TDRD10: variants seen among roughly 807,000 people sequenced by gnomAD.
The protein encoded by TDRD10 is tudor domain-containing protein 10.
TDRD10 carries 40 observed loss-of-function variants against 48.0 expected under a neutral mutation model. That is an observed-to-expected ratio of 0.83 (90% confidence interval 0.65 to 1.09). The LOEUF (loss-of-function observed/expected upper bound fraction) is 1.09, where lower values mean the gene tolerates loss of function less well. Ranked by LOEUF, TDRD10 falls within the 50% of genes least tolerant of loss-of-function variation. TDRD10 has a pLI of 0.00. For synonymous variants in TDRD10, 162 were observed against 170.4 expected (o/e 0.95, Z 0.38); for missense variants, 378 against 434.7 (o/e 0.87, Z 1.16).
rs958711324 is a variant in TDRD10 at position 154,508,580 on chromosome 1, T to G, written c.141+99T>G. The G allele has an allele frequency of 1.1e-5, 9 of 827,030 alleles. No individual in the cohort carries two copies. In the African/African-American group the frequency reaches 1.5e-4, roughly 14 times the overall value. 51.2% of individuals were successfully genotyped at this position (827,030 alleles called of 1,614,324 possible). ...AATTTCCCCAGTTTTTAAAGACGTT[T>G]GAGAGCTATGATAGTGCAGACAGTC... On this transcript the variant is annotated intron_variant, in intron 4 of 12. Coordinates refer to ENST00000368482, the MANE Select transcript of TDRD10 (RefSeq NM_182499.4).
At chr1:154,527,996 T>C (rs1315924391) in intron 6 of TDRD10, among the ~76,000 whole-genome samples, 1 of 152,238 alleles carries the variant, frequency 6.6e-6, no homozygotes, top group Non-Finnish European at 1.5e-5. Flanking sequence ...GATAGTAACA[T>C]TGACCCAGTC....
At chr1:154,531,595 C>T (rs1456416977) in intron 6 of TDRD10, among the ~76,000 whole-genome samples, 1 of 152,188 alleles carries the variant, frequency 6.6e-6, no homozygotes, top group Non-Finnish European at 1.5e-5. Context: ...AGCTTCAGAC[C>T]TTCGGGGTGA....
rs59844127 is a variant in TDRD10 at position 154,525,895 on chromosome 1, CAAAAAAAAA to C, written c.369+4432_369+4440del. 4.2e-4 allele frequency among the ~76,000 whole-genome samples: 22 copies of C among 52,982 alleles called. 1 individual carries two copies. The highest frequency in any genetic ancestry group is 5.1e-4 in the Non-Finnish European group (15 of 29,512). 34.8% of individuals were successfully genotyped at this position (52,982 alleles called of 152,430 possible). A position where few individuals can be genotyped will look rare whatever the true frequency, so the allele number is the denominator to read the frequency against. ...TGGGCAACAGAGCAAGATTCCGTCT[CAAAAAAAAA>C]AAAAAAAAAAAAAAAGAGGCTGGGC... is the stretch of plus-strand genomic sequence containing the variant. On this transcript the variant is annotated intron_variant, in intron 6 of 12. Coordinates refer to ENST00000368482, the MANE Select transcript of TDRD10 (RefSeq NM_182499.4).
At chr1:154,521,703 CA>C (rs1397099743) in intron 6 of TDRD10, among the ~76,000 whole-genome samples, 1 of 152,110 alleles carries the variant, frequency 6.6e-6, no homozygotes, top group African/African-American at 2.4e-5. Context: ...ATATTTTTGG[CA>C]AGGATAAAAA....
At chr1:154,531,127 C>T (rs1186681267) in intron 6 of TDRD10, among the ~76,000 whole-genome samples, 1 of 152,158 alleles carries the variant, frequency 6.6e-6, no homozygotes, top group Non-Finnish European at 1.5e-5. Context: ...AGGTGTGAGC[C>T]ACCACGCCTG....
At chr1:154,503,566 C>A (rs1290648886) in intron 1 of TDRD10, among the ~76,000 whole-genome samples, 2 of 152,042 alleles carry the variant, frequency 1.3e-5, no homozygotes, top group African/African-American at 4.8e-5. Flanking sequence ...CCAGCCTGGG[C>A]GACAGAGCGA....
chr1:154,543,903 G>T, intron 8 of TDRD10, 60 bp from the exon 9 acceptor site: 2 of 1,599,898 alleles, frequency 1.3e-6, no homozygotes, highest in Non-Finnish European at 1.7e-6. Flanking sequence ...TGGTCCAGTC[G>T]TTCCTTTCCT....
intron 4 of TDRD10, among the ~76,000 whole-genome samples, chr1:154,510,421 T>G (rs541544579): frequency 1.3e-5 from 2 of 151,382 alleles, no homozygotes; most frequent in East Asian, 3.9e-4. Context: ...TGAAACCCCG[T>G]CTCTACTAAA....
intron 6 of TDRD10, among the ~76,000 whole-genome samples, chr1:154,529,926 T>C (rs1694519825): frequency 6.6e-6 from 1 of 152,246 alleles, no homozygotes; most frequent in Non-Finnish European, 1.5e-5. Flanking sequence ...GCTGTTCTCT[T>C]AGGGTAGGTC....
At chr1:154,517,983 A>C (rs1408281227) in intron 4 of TDRD10, among the ~76,000 whole-genome samples, 5 of 152,222 alleles carry the variant, frequency 3.3e-5, no homozygotes, top group African/African-American at 1.2e-4. Flanking sequence ...GGTGTTGTCC[A>C]ACTGTTAAAT....
At position 154,521,465 on chromosome 1, in the gene TDRD10, C is replaced by T. The variant is rs770556542; in HGVS notation, c.355C>T (p.Pro119Ser). Reference protein sequence around the residue: ...PKRTPDMIQQPRAPLVLEKAS... With the variant: ...PKRTPDMIQQSRAPLVLEKAS... ...GAGGACCCCTGATATGATCCAGCAG[C>T]CTCGGGCCCCGCTGGTATGTCTTCT... The change falls in exon 6 of 13, where the codon CCT becomes TCT. Residue 119 changes from proline (P) to serine (S), a missense_variant. Coordinates refer to ENST00000368482, the MANE Select transcript of TDRD10 (RefSeq NM_182499.4). 14 of 1,613,782 alleles carry T rather than the reference C, an allele frequency of 8.7e-6. No homozygotes were observed. In the South Asian group the frequency reaches 1.5e-4, roughly 18 times the overall value.
At position 154,514,690 on chromosome 1, in the gene TDRD10, T is replaced by C. The variant is rs1693657314; in HGVS notation, c.142-5614T>C. The stretch of plus-strand genomic sequence containing the variant: ...ATCTTAGTTCATTTGTTTTTTTGTT[T>C]GTTTGTTTGTTTTTTGAGACAGGGT... On this transcript the variant is annotated intron_variant, in intron 4 of 12. Transcript: ENST00000368482. Among the ~76,000 whole-genome samples, 3 of 151,970 alleles carry C rather than the reference T, an allele frequency of 2.0e-5. No homozygotes were observed. The South Asian group carries it at 6.2e-4, about 32-fold the overall frequency.
At chr1:154,526,820 C>T (rs1447443659) in intron 6 of TDRD10, among the ~76,000 whole-genome samples, 1 of 151,612 alleles carries the variant, frequency 6.6e-6, no homozygotes, top group Non-Finnish European at 1.5e-5. Flanking sequence ...CAACTCCTGA[C>T]CTCAAGTAAT....
At chr1:154,507,401 C>A in intron 3 of TDRD10, 81 bp downstream of exon 3, 1 of 1,508,202 alleles carries the variant, frequency 6.6e-7, no homozygotes, top group Non-Finnish European at 9.1e-7. Flanking sequence ...CCAGTCTGCC[C>A]AGTTTCTGTT....
intron 1 of TDRD10, among the ~76,000 whole-genome samples, chr1:154,503,629 T>C (rs757872658): frequency 9.2e-5 from 14 of 151,968 alleles, no homozygotes; most frequent in Non-Finnish European, 1.8e-4. Context: ...ACCTTTCTGG[T>C]TTAAAAAAAG....
intron 6 of TDRD10, among the ~76,000 whole-genome samples, chr1:154,525,326 C>T (rs4845640): frequency 0.79 from 119,451 of 152,032 alleles, 47,640 homozygotes; most frequent in East Asian, 0.92. Flanking sequence ...AATAAGTACA[C>T]AAAAGCTGAA....
At chr1:154,513,334 G>A (rs981440524) in intron 4 of TDRD10, among the ~76,000 whole-genome samples, 7 of 152,182 alleles carry the variant, frequency 4.6e-5, no homozygotes, top group African/African-American at 1.7e-4. Flanking sequence ...TATTTATCTT[G>A]CTTTTCCAAC....
chr1:154,544,264 T>C lies in TDRD10; in HGVS notation c.652-108T>C, dbSNP rs1695424025. On this transcript the variant is annotated intron_variant, in intron 9 of 12. Transcript: ENST00000368482. The stretch of plus-strand genomic sequence containing the variant: ...CTCGTTCTCTCTCCCACCTCATACC[T>C]GATGGCCTTGGGACGGATTAGCGGT... 7 of 1,541,004 alleles carry C rather than the reference T, an allele frequency of 4.5e-6. No homozygotes were observed. In the South Asian group the frequency reaches 8.3e-5, roughly 18 times the overall value.
At chr1:154,514,444 G>A (rs1218492073) in intron 4 of TDRD10, among the ~76,000 whole-genome samples, 1 of 152,168 alleles carries the variant, frequency 6.6e-6, no homozygotes, top group Non-Finnish European at 1.5e-5. Context: ...TAAGACACTG[G>A]TGAACAAGGG....
Sources: allele counts gnomAD v4.1 joint callset (sites outside exome capture counted in the v4.1 genomes callset), GRCh38; gene constraint gnomAD v4.1.1; transcripts MANE v1.5; gene names NCBI Gene and HGNC (gene_info 2026-07-23, HGNC 2026-07-21).